GSG1L2: variants seen among roughly 807,000 people sequenced by gnomAD.
The protein encoded by GSG1L2 is germ cell-specific gene 1-like protein 2.
GSG1L2 carries 15 observed loss-of-function variants against 9.0 expected under a neutral mutation model. The ratio of observed to expected loss-of-function variants is 1.67; its 90% CI spans 1.12 to 2.57. The LOEUF (loss-of-function observed/expected upper bound fraction) is 2.57, where lower values mean the gene tolerates loss of function less well. Among genes scored for constraint, GSG1L2 ranks in the 30% most tolerant of loss-of-function variants. GSG1L2 has a pLI of 0.00. For synonymous variants in GSG1L2, 127 were observed against 57.9 expected, an observed-to-expected ratio of 2.19 and a Z score of -5.41; for missense variants, 286 against 150.3, an observed-to-expected ratio of 1.90 and a Z score of -4.72.
rs1343590639 is a variant in GSG1L2 at position 9,816,678 on chromosome 17, T to A, written c.310+5084A>T. On this transcript the variant is annotated intron_variant, in intron 1 of 4. Coordinates refer to ENST00000399363, the MANE Select transcript of GSG1L2 (RefSeq NM_001310219.2). The stretch of plus-strand genomic sequence containing the variant: ...GTCTGTGTGTGCGTGTGTGTCTGTG[T>A]GTGTGTGTCTGTGTATGTGTGCATG... 5.6e-3 allele frequency among the ~76,000 whole-genome samples: 821 copies of A among 147,614 alleles called. 6 individuals carry two copies. The highest frequency in any genetic ancestry group is 0.018 in the African/African-American group (743 of 40,298).
chr17:9,804,011 G>A (rs540408777), intron 4 of GSG1L2: 1 of 152,310 alleles, frequency 6.6e-6, no homozygotes, highest in South Asian at 2.1e-4. Context: ...GATTATTTTG[G>A]TTTAAATGAG....
intron 4 of GSG1L2, chr17:9,804,382 G>A (rs2066509579): frequency 6.6e-6 from 1 of 152,200 alleles, no homozygotes; most frequent in African/African-American, 2.4e-5. Context: ...TTATTCTCTG[G>A]AGAAGGTGAA....
chr17:9,812,561 AGTCTGAGAT>A lies in GSG1L2; in HGVS notation c.311-1952_311-1944del, dbSNP rs548054275. On this transcript the variant is annotated intron_variant, in intron 1 of 4. Transcript: ENST00000399363. ...CAGCTTTTCAGATCTGGAGACTGGA[AGTCTGAGAT>A]GCCTGCATGGTGGGGTTCTGGTGAG... 3.6e-3 allele frequency among the ~76,000 whole-genome samples: 546 copies of A among 152,288 alleles called. 2 individuals carry two copies. Among genetic ancestry groups the A allele is most frequent in the South Asian group, 0.024 (118 of 4,820 alleles).
In GSG1L2 at chr17:9,803,253, C is replaced by T. The variant is rs528522229; in HGVS notation, c.624-609G>A. ...AAGTAGCCGGGACCACAGGCATGCG[C>T]CACCACACCCGGCTAATTTTTGTAT... On this transcript the variant is annotated intron_variant, in intron 4 of 4. Transcript: ENST00000399363. 1.1e-4 allele frequency among the ~76,000 whole-genome samples: 17 copies of T among 152,298 alleles called. No individual in the cohort carries two copies. The East Asian group carries it at 3.1e-3, about 28-fold the overall frequency.
At chr17:9,816,396 CTGTGTG>C (rs879490600) in intron 1 of GSG1L2, among the ~76,000 whole-genome samples, 4 of 141,784 alleles carry the variant, frequency 2.8e-5, no homozygotes, top group East Asian at 2.1e-4. Flanking sequence ...GTGTCTGTGT[CTGTGTG>C]TGTGTGTGTG....
chr17:9,820,726 G>A lies in GSG1L2; in HGVS notation c.310+1036C>T, dbSNP rs1285696722. On this transcript the variant is annotated intron_variant, in intron 1 of 4. Transcript: ENST00000399363. The surrounding 1 kb of genome is among the most constrained non-coding windows in gnomAD (Gnocchi z 4.9). ...CATTCAGGCTGGAGGGCAGTCACAC[G>A]ATGATGACTCACTGCAGCCTCAACC... Among the ~76,000 whole-genome samples, 2 of 151,242 alleles carry A rather than the reference G, an allele frequency of 1.3e-5. No individual in the cohort carries two copies. Among genetic ancestry groups the A allele is most frequent in the Admixed American group, 6.6e-5 (1 of 15,148 alleles).
chr17:9,808,481 A>T (rs1240978131), intron 3 of GSG1L2, among the ~76,000 whole-genome samples: 1 of 152,180 alleles, frequency 6.6e-6, no homozygotes, highest in Non-Finnish European at 1.5e-5. Context: ...TCATACACCC[A>T]TTAAGGAGAC....
rs1272830468 is a variant in GSG1L2 at position 9,809,040 on chromosome 17, T to C, written c.359-58A>G. On this transcript the variant is annotated intron_variant, in intron 2 of 4. Coordinates refer to ENST00000399363, the MANE Select transcript of GSG1L2 (RefSeq NM_001310219.2). Reference sequence around the variant, plus strand: ...CACTTCTAATTCAGAAATACTAAAATGTTCAATCCTTTGATTTAGTTCACT... The same window carrying C: ...CACTTCTAATTCAGAAATACTAAAACGTTCAATCCTTTGATTTAGTTCACT... 6 of 689,870 alleles carry C rather than the reference T, an allele frequency of 8.7e-6. No individual in the cohort carries two copies. The East Asian group carries it at 1.1e-4, about 12-fold the overall frequency. The allele number at this position is 689,870 out of a possible 1,614,324, so 42.7% of individuals were successfully genotyped here.
chr17:9,818,501 ATTT>A lies in GSG1L2; in HGVS notation c.310+3258_310+3260del, dbSNP rs377057350. Among the ~76,000 whole-genome samples the A allele has an allele frequency of 7.1e-3, 588 of 82,770 alleles. 4 individuals carry two copies. Among genetic ancestry groups the A allele is most frequent in the African/African-American group, 0.022 (458 of 20,636 alleles). 54.3% of individuals were successfully genotyped at this position (82,770 alleles called of 152,430 possible). ...GGTGCACACCACCACACACAGCTAA[ATTT>A]TTTTTTTTTTTTTTTTTTTTTTTTG... On this transcript the variant is annotated intron_variant, in intron 1 of 4. Transcript: ENST00000399363.
chr17:9,816,402 G>C (rs985996678), intron 1 of GSG1L2, among the ~76,000 whole-genome samples: 5 of 150,142 alleles, frequency 3.3e-5, no homozygotes, highest in Non-Finnish European at 3.0e-5. Context: ...GTGTCTGTGT[G>C]TGTGTGTGTG....
chr17:9,816,135 G>T (rs796530467), intron 1 of GSG1L2, among the ~76,000 whole-genome samples: 2 of 152,338 alleles, frequency 1.3e-5, no homozygotes, highest in African/African-American at 4.8e-5. Context: ...GTAATGGTAA[G>T]TAATACGGTT....
intron 1 of GSG1L2, among the ~76,000 whole-genome samples, chr17:9,813,082 C>T (rs930849730): frequency 9.9e-5 from 15 of 152,152 alleles, no homozygotes; most frequent in Admixed American, 3.9e-4. Flanking sequence ...AGCATATGAA[C>T]CTGGGGAGGG....
rs551962329 is a variant in GSG1L2, at chr17:9,819,228, T to C, written c.310+2534A>G. On this transcript the variant is annotated intron_variant, in intron 1 of 4. Transcript: ENST00000399363. Reference sequence around the variant, plus strand: ...AAAAGCAAAAAGCTGAACACAGCAATAAACATCACCACAGCACCTACTTTG... The same window carrying C: ...AAAAGCAAAAAGCTGAACACAGCAACAAACATCACCACAGCACCTACTTTG... Among the ~76,000 whole-genome samples, 428 of 152,284 alleles carry C rather than the reference T, an allele frequency of 2.8e-3. 2 individuals are homozygous for C. The highest frequency in any genetic ancestry group is 9.2e-3 in the African/African-American group (382 of 41,562).
chr17:9,819,499 G>A (rs1000882357), intron 1 of GSG1L2, among the ~76,000 whole-genome samples: 10 of 152,238 alleles, frequency 6.6e-5, no homozygotes, highest in Admixed American at 6.5e-4. Context: ...TAAGTTAACT[G>A]TGGTTTCTCC....
intron 2 of GSG1L2, chr17:9,810,156 A>C: frequency 5.1e-6 from 1 of 194,864 alleles, no homozygotes; most frequent in Middle Eastern, 2.2e-3. Flanking sequence ...AACAGACACT[A>C]AGAAAGTAAT....
intron 1 of GSG1L2, chr17:9,810,930 A>G (rs1223032309): frequency 5.2e-6 from 2 of 382,272 alleles, no homozygotes; most frequent in South Asian, 4.3e-5. Context: ...GCCCATATCA[A>G]GAGGAAGTCT....
rs1286694473 is a variant in GSG1L2 at position 9,808,918 on chromosome 17, G to C, written c.423C>G (p.Ile141Met). 1 of 703,010 alleles carries C rather than the reference G, an allele frequency of 1.4e-6. No homozygotes were observed. Among genetic ancestry groups the C allele is most frequent in the Non-Finnish European group, 2.6e-6 (1 of 385,020 alleles). The allele number at this position is 703,010 out of a possible 1,614,324, so 43.5% of individuals were successfully genotyped here. A position where few individuals can be genotyped will look rare whatever the true frequency, so the allele number is the denominator to read the frequency against. ...LDIVLILTSAILLGSRVSCRS... is the reference protein window; with the variant it reads ...LDIVLILTSAMLLGSRVSCRS... ...GACAACTCACTCTGGAGCCCAGGAGGATGGCGCTTGTCAGTATCAGAACGA... is the reference window on the plus strand; with the variant it reads ...GACAACTCACTCTGGAGCCCAGGAGCATGGCGCTTGTCAGTATCAGAACGA... Residue 141 changes from isoleucine (I) to methionine (M), a missense_variant, in exon 3 of 5, where the codon ATC becomes ATG. By Grantham distance (10) the Ile-to-Met change is conservative. Transcript: ENST00000399363.
chr17:9,821,122 A>T (rs2066587815), intron 1 of GSG1L2, among the ~76,000 whole-genome samples: 2 of 152,226 alleles, frequency 1.3e-5, no homozygotes. Context: ...AGAAATGGGG[A>T]TGGGAGGATT....
At chr17:9,803,100 C>CTTTTTT (rs58980664) in intron 4 of GSG1L2, among the ~76,000 whole-genome samples, 1 of 92,506 alleles carries the variant, frequency 1.1e-5, no homozygotes, top group Non-Finnish European at 2.1e-5. Flanking sequence ...GGTGTCATTA[C>CTTTTTT]TTTTTTTTTT....
Sources: gnomAD v4.1 joint callset for allele counts (sites outside exome capture counted in the v4.1 genomes callset) on GRCh38, gnomAD v4.1.1 for gene constraint, Gnocchi (gnomAD v3.1) non-coding constraint, MANE v1.5 for transcripts, NCBI Gene and HGNC (gene_info 2026-07-23, HGNC 2026-07-21) for gene names.